The following SLC12A6 variants were observed in gnomAD, a reference collection of about 807,000 sequenced individuals.
The protein encoded by SLC12A6 is solute carrier family 12 member 6, also known as K-Cl cotransporter 3.
Under a neutral mutation model 135.3 loss-of-function variants are expected in SLC12A6, and 66 were observed. The observed-to-expected ratio is 0.49, with a 90% confidence interval of 0.40 to 0.60. The LOEUF is 0.60. SLC12A6 is among the 20% of genes least tolerant of loss of function. The pLI is 0.00. For synonymous variants in SLC12A6, 513 were observed against 508.8 expected (o/e 1.01, Z -0.11); for missense variants, 1,058 against 1,452.3 (o/e 0.73, Z 4.41).
intron 2 of SLC12A6, chr15:34,318,632 G>A (rs1038652899): frequency 1.2e-6 from 2 of 1,612,630 alleles, no homozygotes; most frequent in African/African-American, 2.7e-5. Context: ...CGAAGCCGCT[G>A]CCCCCTCCTC....
chr15:34,321,525 C>A (rs1889089512), intron 2 of SLC12A6, among the ~76,000 whole-genome samples: 1 of 152,178 alleles, frequency 6.6e-6, no homozygotes, highest in Non-Finnish European at 1.5e-5. Flanking sequence ...AAAGAACTTT[C>A]ATACACTGTT....
intron 2 of SLC12A6, among the ~76,000 whole-genome samples, chr15:34,279,539 T>A (rs1894532081): frequency 6.6e-6 from 1 of 152,158 alleles, no homozygotes; most frequent in Admixed American, 6.5e-5. Context: ...TGAGCACCCT[T>A]CAATTGTTCT....
chr15:34,267,235 T>C (rs1446130142), intron 3 of SLC12A6, among the ~76,000 whole-genome samples: 1 of 142,222 alleles, frequency 7.0e-6, no homozygotes, highest in African/African-American at 2.6e-5. Context: ...GTAGTCTCTT[T>C]TTAAAAAAAA....
chr15:34,321,168 G>A lies in SLC12A6; in HGVS notation c.271+15242C>T, dbSNP rs542401171. ...AATGCCCTGAGGTAGGCAACATAGAGTATGTTTCAAAGAAAGAAAACTCAT... is the reference window on the plus strand; with the variant it reads ...AATGCCCTGAGGTAGGCAACATAGAATATGTTTCAAAGAAAGAAAACTCAT... On this transcript the variant is annotated intron_variant, in intron 2 of 25. Transcript: ENST00000354181. Among the ~76,000 whole-genome samples the A allele has an allele frequency of 2.0e-5, 3 of 152,126 alleles. No individual in the cohort carries two copies. In the South Asian group the frequency reaches 6.2e-4, roughly 32 times the overall value.
intron 16 of SLC12A6, 150 bp downstream of exon 16, chr15:34,243,824 G>A: frequency 1.5e-6 from 1 of 665,792 alleles, no homozygotes; most frequent in Non-Finnish European, 2.7e-6. Flanking sequence ...ATAGGAGGAT[G>A]AGGATTCAGA....
intron 3 of SLC12A6, among the ~76,000 whole-genome samples, chr15:34,261,274 C>T (rs1038266903): frequency 6.6e-6 from 1 of 152,120 alleles, no homozygotes; most frequent in African/African-American, 2.4e-5. Flanking sequence ...CCTAGAGACG[C>T]TATTCTTTTG....
intron 19 of SLC12A6, among the ~76,000 whole-genome samples, chr15:34,239,908 T>C (rs994755019): frequency 1.1e-4 from 16 of 152,224 alleles, no homozygotes; most frequent in Non-Finnish European, 5.9e-5. Flanking sequence ...TCAGCATTTC[T>C]AGTGTTTAGG....
chr15:34,333,526 T>C (rs1371135169), intron 2 of SLC12A6, among the ~76,000 whole-genome samples: 1 of 151,988 alleles, frequency 6.6e-6, no homozygotes, highest in Non-Finnish European at 1.5e-5. Flanking sequence ...CCACCGTGCC[T>C]GGCTCCACTC....
intron 2 of SLC12A6, chr15:34,318,748 C>T: frequency 6.2e-7 from 1 of 1,605,326 alleles, no homozygotes; most frequent in Non-Finnish European, 8.5e-7. Flanking sequence ...CCCTGCCTAC[C>T]TCTTCCTTGC....
chr15:34,272,456 T>C (rs546036128), intron 3 of SLC12A6, among the ~76,000 whole-genome samples: 94 of 152,312 alleles, frequency 6.2e-4, no homozygotes, highest in Non-Finnish European at 1.0e-3. Flanking sequence ...CAGAAGAGGA[T>C]AGTTCTTCAG....
At chr15:34,322,815 T>C (rs1235690865) in intron 2 of SLC12A6, among the ~76,000 whole-genome samples, 1 of 151,070 alleles carries the variant, frequency 6.6e-6, no homozygotes, top group Non-Finnish European at 1.5e-5. Flanking sequence ...CCGTCTCCAC[T>C]AAAAACACAA....
chr15:34,319,827 T>A (rs1888936268), intron 2 of SLC12A6, among the ~76,000 whole-genome samples: 1 of 149,926 alleles, frequency 6.7e-6, no homozygotes. Flanking sequence ...AAGAAAAAAA[T>A]ATATATGTTT....
chr15:34,262,693 C>T (rs374272211), intron 3 of SLC12A6, among the ~76,000 whole-genome samples: 2 of 152,278 alleles, frequency 1.3e-5, no homozygotes, highest in East Asian at 1.9e-4. Context: ...TTCAGGGTTG[C>T]GGACACCCGT....
At chr15:34,237,253 T>G in intron 22 of SLC12A6, 166 bp downstream of exon 22, 1 of 594,518 alleles carries the variant, frequency 1.7e-6, no homozygotes, top group Non-Finnish European at 2.9e-6. Flanking sequence ...CACATATACA[T>G]TCTACTTAGG....
intron 2 of SLC12A6, among the ~76,000 whole-genome samples, chr15:34,305,934 T>A (rs1479910631): frequency 2.6e-5 from 4 of 152,022 alleles, no homozygotes; most frequent in Non-Finnish European, 5.9e-5. Flanking sequence ...ATTTTTTGTA[T>A]CTTTTTTTAG....
chr15:34,286,174 A>G (rs921809023), intron 2 of SLC12A6, among the ~76,000 whole-genome samples: 4 of 151,952 alleles, frequency 2.6e-5, no homozygotes, highest in African/African-American at 9.7e-5. Flanking sequence ...CCCGGGTTCA[A>G]GCAATTCTCC....
intron 3 of SLC12A6, among the ~76,000 whole-genome samples, chr15:34,275,115 TA>T (rs1894207626): frequency 6.6e-6 from 1 of 152,176 alleles, no homozygotes; most frequent in African/African-American, 2.4e-5. Context: ...TTTTTAACCA[TA>T]AACCATGCAA....
intron 3 of SLC12A6, among the ~76,000 whole-genome samples, chr15:34,264,906 T>C (rs910052872): frequency 6.6e-6 from 1 of 151,932 alleles, no homozygotes; most frequent in African/African-American, 2.4e-5. Flanking sequence ...TTCTAAAGAG[T>C]ATAGCTTAGG....
At position 34,275,405 on chromosome 15, in the gene SLC12A6, T is replaced by C. The variant is rs1489567048; in HGVS notation, c.272-16A>G. The C allele has an allele frequency of 2.1e-6, 3 of 1,449,692 alleles. No homozygotes were observed. The highest frequency in any genetic ancestry group is 2.3e-5 in the East Asian group (1 of 43,958). The allele number at this position is 1,449,692 out of a possible 1,614,324, so 89.8% of individuals were successfully genotyped here. ...TGACTCAGGTCTGAAAAACAAACAATTGAAAAGAAAAGAAAAAAATGAATG... is the reference window on the plus strand; with the variant it reads ...TGACTCAGGTCTGAAAAACAAACAACTGAAAAGAAAAGAAAAAAATGAATG... On this transcript the variant is annotated splice_polypyrimidine_tract_variant and intron_variant, in intron 2 of 25. Coordinates refer to ENST00000354181, the MANE Select transcript of SLC12A6 (RefSeq NM_001365088.1).
Sources: gnomAD v4.1 joint callset for allele counts (sites outside exome capture counted in the v4.1 genomes callset) on GRCh38, gnomAD v4.1.1 for gene constraint, MANE v1.5 for transcripts, NCBI Gene and HGNC (gene_info 2026-07-23, HGNC 2026-07-21) for gene names.